PLEKHH3: variants seen among roughly 807,000 people sequenced by gnomAD.
PLEKHH3 encodes pleckstrin homology, MyTH4 and FERM domain containing H3.
Under a neutral mutation model 77.8 loss-of-function variants are expected in PLEKHH3, and 57 were observed. That is an observed-to-expected ratio of 0.73 (90% CI 0.59 to 0.91). PLEKHH3 has a LOEUF of 0.91. PLEKHH3 is among the 40% of genes least tolerant of loss of function. The pLI is 0.00. For missense variants in PLEKHH3, 1,082 were observed against 1,091.2 expected, an observed-to-expected ratio of 0.99 and a Z score of 0.12; for synonymous variants, 467 against 504.8, an observed-to-expected ratio of 0.93 and a Z score of 1.00.
Position 42,671,336 on chromosome 17 carries a change from T to C in PLEKHH3, c.1284+15A>G. 1 of 1,610,432 alleles carries C rather than the reference T, an allele frequency of 6.2e-7. No individual in the cohort carries two copies. The highest frequency in any genetic ancestry group is 8.5e-7 in the Non-Finnish European group (1 of 1,178,842). On this transcript the variant is annotated intron_variant, in intron 8 of 12. Coordinates refer to ENST00000591022, the MANE Select transcript of PLEKHH3 (RefSeq NM_024927.5). The surrounding 1 kb of genome is among the most constrained non-coding windows in gnomAD (Gnocchi z 4.7). ...AGGGTGGGTTGGAGGTCATGGGGCC[T>C]TTCTCTGGCCTCACCTCCCCCGCCG...
In PLEKHH3 at chr17:42,671,142, G is replaced by A. The variant is rs998269536; in HGVS notation, c.1285-12C>T. ...AGCTCTCGAGCCACCTAGAAGAGGA[G>A]GGTGAGGGGAGACCACTCAGAGGTC... On this transcript the variant is annotated splice_polypyrimidine_tract_variant and intron_variant, in intron 8 of 12. Transcript: ENST00000591022. The surrounding 1 kb of genome is among the most constrained non-coding windows in gnomAD (Gnocchi z 4.7). The A allele has an allele frequency of 1.3e-6, 2 of 1,559,514 alleles. No homozygotes were observed. The highest frequency in any genetic ancestry group is 1.7e-6 in the Non-Finnish European group (2 of 1,154,190).
chr17:42,669,886 G>A (rs1397998726), intron 11 of PLEKHH3, 32 bp downstream of exon 11: 2 of 1,610,108 alleles, frequency 1.2e-6, no homozygotes, highest in East Asian at 2.2e-5. Context: ...GGCTTGGGCC[G>A]CCAGAGTCCC....
intron 9 of PLEKHH3, 23 bp downstream of exon 9, chr17:42,670,971 C>T: frequency 6.2e-7 from 1 of 1,604,164 alleles, no homozygotes; most frequent in Non-Finnish European, 8.5e-7. Flanking sequence ...TAATAGAGAG[C>T]AGGGCTGGGG....
At position 42,670,222 on chromosome 17, in the gene PLEKHH3, C is replaced by T; in HGVS notation, c.1709G>A (p.Arg570His). ...DRLLPPPAPP[R>H]EDPPRPTPRP... ...GGGGGTCGGGCGGGGCGGGTCTTCG[C>T]GCGGCGGGGCCGGGGGCGGGAGCAG... Residue 570 changes from arginine to histidine, a missense_variant, in exon 11 of 13, where the codon CGC becomes CAC. By Grantham distance (29) the Arg-to-His change is conservative (BLOSUM62 0). Transcript: ENST00000591022. 1 of 1,213,076 alleles carries T rather than the reference C, an allele frequency of 8.2e-7. No homozygotes were observed. Among genetic ancestry groups the T allele is most frequent in the Non-Finnish European group, 1.0e-6 (1 of 976,996 alleles). 75.1% of individuals were successfully genotyped at this position (1,213,076 alleles called of 1,614,324 possible). A position where few individuals can be genotyped will look rare whatever the true frequency, so the allele number is the denominator to read the frequency against.
At position 42,670,065 on chromosome 17, in the gene PLEKHH3, G is replaced by A. The variant is rs1466113390; in HGVS notation, c.1866C>T (p.Gly622=). 14 of 1,472,574 alleles carry A rather than the reference G, an allele frequency of 9.5e-6. No homozygotes were observed. The highest frequency in any genetic ancestry group is 1.5e-5 in the African/African-American group (1 of 67,728). 91.2% of individuals were successfully genotyped at this position (1,472,574 alleles called of 1,614,324 possible). ...GCACGGCAGCTGCCGTGCCGGCGCCGCCTCCTCCCTCGCGGGCAATGCTTC... is the reference window on the plus strand; with the variant it reads ...GCACGGCAGCTGCCGTGCCGGCGCCACCTCCTCCCTCGCGGGCAATGCTTC... The part of the protein sequence containing the change: ...TAGSIAREGG[G]GAGTAAAVLG... Residue 622 remains glycine, a synonymous_variant, in exon 11 of 13, where the codon GGC becomes GGT. Transcript: ENST00000591022.
chr17:42,670,733 A>G (rs773414322), intron 9 of PLEKHH3, 28 bp from the exon 10 acceptor site: 4 of 1,588,496 alleles, frequency 2.5e-6, no homozygotes, highest in Non-Finnish European at 2.6e-6. Context: ...ACGAAGCGCT[A>G]GGGAGAAGCC....
rs540887334 is a variant in PLEKHH3 at position 42,676,879 on chromosome 17, C to T, written c.-316G>A. 290 of 357,054 alleles carry T rather than the reference C, an allele frequency of 8.1e-4. 1 individual carries two copies. The highest frequency in any genetic ancestry group is 1.2e-3 in the Non-Finnish European group (237 of 193,712). 22.1% of individuals were successfully genotyped at this position (357,054 alleles called of 1,614,324 possible). ...GTCCAGCCCTGTGGGGGGCAGTGTC[C>T]GGTGCAGCGTCCGAGGTGGGCAGTT... On this transcript the variant is annotated 5_prime_UTR_variant, in exon 1 of 13. Transcript: ENST00000591022. The surrounding 1 kb of genome is among the most constrained non-coding windows in gnomAD (Gnocchi z 6.6).
At chr17:42,673,375 C>T (rs1476321090) in intron 5 of PLEKHH3, 24 bp downstream of exon 5, 3 of 1,612,362 alleles carry the variant, frequency 1.9e-6, no homozygotes, top group Middle Eastern at 1.7e-4. Context: ...GTCCACCACT[C>T]TCCTGGCTCT....
intron 11 of PLEKHH3, 59 bp from the exon 12 acceptor site, chr17:42,669,680 G>T: frequency 6.5e-7 from 1 of 1,535,438 alleles, no homozygotes; most frequent in Non-Finnish European, 8.9e-7. Context: ...TTTTTGGTAG[G>T]GGGAGATGGG....
In PLEKHH3 at chr17:42,670,616, C is replaced by G; in HGVS notation, c.1511G>C (p.Gly504Ala). ...LRLHGPLHPE[G>A]LSPDGHELPF... ...CAGTTCGTGACCGTCTGGGGACAGC[C>G]CCTCAGGGTGCAGAGGTCCGTGAAG... Residue 504 changes from glycine (G) to alanine (A), a missense_variant, in exon 10 of 13, where the codon GGG (glycine) becomes GCG (alanine). Physicochemically the swap from Gly to Ala is moderately conservative, Grantham distance 60 (BLOSUM62 0). Coordinates refer to ENST00000591022, the MANE Select transcript of PLEKHH3 (RefSeq NM_024927.5). The G allele has an allele frequency of 6.2e-7, 1 of 1,612,854 alleles. No individual in the cohort carries two copies. Among genetic ancestry groups the G allele is most frequent in the Non-Finnish European group, 8.5e-7 (1 of 1,179,656 alleles).
rs1223126735 is a variant in PLEKHH3 at position 42,668,183 on chromosome 17, G to C, written c.2326C>G (p.Pro776Ala). Residue 776 changes from proline to alanine, a missense_variant, in exon 13 of 13, where the codon CCG becomes GCG. Coordinates refer to ENST00000591022, the MANE Select transcript of PLEKHH3 (RefSeq NM_024927.5). The stretch of plus-strand genomic sequence containing the variant: ...TGTCCCTGGGGCTCGTCCAGGCCCG[G>C]GCGCTGGCTGGGAGGGGAGGTGTCT... ...LPDTSPPSQR[P>A]GLDEPQGQSG... 2.6e-6 allele frequency: 4 copies of C among 1,548,508 alleles called. No individual in the cohort carries two copies. Among genetic ancestry groups the C allele is most frequent in the Non-Finnish European group, 1.7e-6 (2 of 1,154,286 alleles).
Position 42,676,646 on chromosome 17 carries a change from G to T in PLEKHH3, c.-83C>A. 7.4e-7 allele frequency: 1 copy of T among 1,344,132 alleles called. No individual in the cohort carries two copies. The highest frequency in any genetic ancestry group is 1.0e-6 in the Non-Finnish European group (1 of 973,660). The allele number at this position is 1,344,132 out of a possible 1,614,324, so 83.3% of individuals were successfully genotyped here. On this transcript the variant is annotated 5_prime_UTR_variant, in exon 1 of 13. Transcript: ENST00000591022. This position sits in a 1 kb window ranked among gnomAD's most constrained non-coding sequence, Gnocchi z 6.6. The stretch of plus-strand genomic sequence containing the variant: ...GGAGGAACTGGCGGGGCTCCGACCC[G>T]AGCAGGGGAAAGATGAGGTGGGAGG...
At chr17:42,675,355 T>C (rs2052799363) in intron 1 of PLEKHH3, among the ~76,000 whole-genome samples, 1 of 152,130 alleles carries the variant, frequency 6.6e-6, no homozygotes, top group South Asian at 2.1e-4. Context: ...CTGCCCAAGC[T>C]GGAAGCTTGG....
chr17:42,673,099 GC>G, intron 6 of PLEKHH3, 76 bp downstream of exon 6: 1 of 1,440,236 alleles, frequency 6.9e-7, no homozygotes, highest in African/African-American at 1.5e-5. Context: ...TTAGATCCCT[GC>G]CAGTTAAGGG....
chr17:42,669,677 T>C (rs756187868), intron 11 of PLEKHH3, 56 bp from the exon 12 acceptor site: 1 of 1,542,030 alleles, frequency 6.5e-7, no homozygotes, highest in Admixed American at 1.8e-5. Flanking sequence ...TTATTTTTGG[T>C]AGGGGGAGAT....
Position 42,669,977 on chromosome 17 carries a change from GGGCCAGGTAGGCGGCCAT to G in PLEKHH3, c.1936_1953del (p.Met646_Ala651del). The G allele has an allele frequency of 6.2e-7, 1 of 1,611,852 alleles. No individual in the cohort carries two copies. Among genetic ancestry groups the G allele is most frequent in the South Asian group, 1.1e-5 (1 of 90,948 alleles). On this transcript the variant is annotated inframe_deletion, in exon 11 of 13. Transcript: ENST00000591022. Reference sequence around the variant, plus strand: ...CCGAACCCCGGACACTGCGCCGCCAGGGCCAGGTAGGCGGCCATGGCCTCAGCTCGGCCCATGCCCCGT... The same window carrying G: ...CCGAACCCCGGACACTGCGCCGCCAGGGCCTCAGCTCGGCCCATGCCCCGT...
At chr17:42,674,091 CG>C in intron 2 of PLEKHH3, 78 bp from the exon 3 acceptor site, 1 of 1,443,086 alleles carries the variant, frequency 6.9e-7, no homozygotes, top group Non-Finnish European at 9.5e-7. Flanking sequence ...CCAGACCGCA[CG>C]GGTGTCTGCT....
At position 42,673,945 on chromosome 17, in the gene PLEKHH3, A is replaced by G; in HGVS notation, c.287T>C (p.Ile96Thr). The change falls in exon 3 of 13, where the codon ATC becomes ACC. Residue 96 changes from isoleucine to threonine, a missense_variant. Around this residue, in one of 3 missense-constraint regions of PLEKHH3, gnomAD observed 344 missense variants for 320.8 expected, o/e 1.07. Coordinates refer to ENST00000591022, the MANE Select transcript of PLEKHH3 (RefSeq NM_024927.5). The part of the protein sequence containing the change: ...EKGLPEDDPD[I>T]VVKGWLYREP... ...AGGGGGGTCTCTACCTTTCACAACG[A>G]TGTCCGGGTCGTCCTCCGGCAGCCC... is the stretch of plus-strand genomic sequence containing the variant. 6.2e-7 allele frequency: 1 copy of G among 1,613,376 alleles called. No homozygotes were observed. The highest frequency in any genetic ancestry group is 8.5e-7 in the Non-Finnish European group (1 of 1,179,876).
At chr17:42,668,362 A>C in intron 12 of PLEKHH3, 59 bp from the exon 13 acceptor site, 67 of 1,412,708 alleles carry the variant, frequency 4.7e-5, no homozygotes, top group Non-Finnish European at 5.8e-5. Flanking sequence ...TCTTTTTCTC[A>C]TCCTTTCTCC....
Sources: gnomAD v4.1 joint callset for allele counts (sites outside exome capture counted in the v4.1 genomes callset) on GRCh38, gnomAD v4.1.1 for gene constraint, gnomAD v4.1.1 regional missense constraint, Gnocchi (gnomAD v3.1) non-coding constraint, MANE v1.5 for transcripts, NCBI Gene and HGNC (gene_info 2026-07-23, HGNC 2026-07-21) for gene names.